Variants in ADORA2B observed in about 807,000 individuals in gnomAD.
The protein encoded by ADORA2B is adenosine A2b receptor.
In ADORA2B, 18 loss-of-function variants were observed where a neutral mutation model predicts 20.8. The ratio of observed to expected loss-of-function variants is 0.87; its 90% CI spans 0.60 to 1.29. The LOEUF (loss-of-function observed/expected upper bound fraction) is 1.29. Among genes scored for constraint, ADORA2B ranks in the 50% most tolerant of loss-of-function variants. The probability of loss-of-function intolerance (pLI) is 0.00; values close to 1 mark genes in which losing one functional copy is unlikely to be tolerated. For synonymous variants in ADORA2B, 179 were observed against 178.3 expected, an observed-to-expected ratio of 1.00 and a Z score of -0.03; for missense variants, 441 against 422.7, an observed-to-expected ratio of 1.04 and a Z score of -0.38.
chr17:15,939,859 CA>C, the ADORA2B span, among the ~76,000 whole-genome samples: 1,220 of 53,398 alleles, frequency 0.023, 9 homozygotes, highest in African/African-American at 0.072. Context: ...GACTCTGTCT[CA>C]AAAAAAAAAA....
chr17:15,915,666 G>A, the ADORA2B span, among the ~76,000 whole-genome samples: 1 of 152,226 alleles, frequency 6.6e-6, no homozygotes, highest in Admixed American at 6.5e-5. Context: ...TGACTATGGA[G>A]GCTGAGAAGT....
chr17:15,920,011 C>T, the ADORA2B span, among the ~76,000 whole-genome samples: 1 of 152,070 alleles, frequency 6.6e-6, no homozygotes, highest in Non-Finnish European at 1.5e-5. Flanking sequence ...ACCAAAGTAC[C>T]CCAGTGGCCC....
chr17:15,924,936 G>A, the ADORA2B span, among the ~76,000 whole-genome samples: 6 of 150,808 alleles, frequency 4.0e-5, no homozygotes, highest in Non-Finnish European at 7.4e-5. Context: ...GTGCAGTAGC[G>A]TGATCATAGT....
At chr17:15,872,043 G>C in the ADORA2B span, among the ~76,000 whole-genome samples, 1 of 152,134 alleles carries the variant, frequency 6.6e-6, no homozygotes, top group South Asian at 2.1e-4. Flanking sequence ...TCTTGTTCGA[G>C]TCCATTTATA....
the ADORA2B span, among the ~76,000 whole-genome samples, chr17:15,886,243 G>GTATTTATTTATTTATTTA: frequency 2.3e-5 from 3 of 132,864 alleles, no homozygotes; most frequent in Non-Finnish European, 3.2e-5. Flanking sequence ...GAATCTTGTA[G>GTATTTATTTATTTATTTA]TGGCTCGCCC....
At chr17:15,941,425 A>G (rs2151588144), upstream of ADORA2B, among the ~76,000 whole-genome samples, 1 of 152,234 alleles carries the variant, frequency 6.6e-6, no homozygotes, top group East Asian at 1.9e-4. Context: ...CCTGCACACC[A>G]ATTGCTTTCA....
chr17:15,921,883 A>C, the ADORA2B span, among the ~76,000 whole-genome samples: 1 of 152,336 alleles, frequency 6.6e-6, no homozygotes, highest in African/African-American at 2.4e-5. Flanking sequence ...CCCAGGAGAC[A>C]GAATAAAGTT....
At chr17:15,929,999 T>G in the ADORA2B span, among the ~76,000 whole-genome samples, 2 of 152,184 alleles carry the variant, frequency 1.3e-5, no homozygotes, top group African/African-American at 4.8e-5. Flanking sequence ...CCAAAATGTT[T>G]AAGAGGATGT....
upstream of ADORA2B, among the ~76,000 whole-genome samples, chr17:15,942,193 G>A (rs1969751255): frequency 6.6e-6 from 1 of 152,132 alleles, no homozygotes; most frequent in African/African-American, 2.4e-5. Context: ...GTGGGGCCTA[G>A]TGGAAGCAGT....
chr17:15,891,360 G>A, the ADORA2B span, among the ~76,000 whole-genome samples: 96 of 152,356 alleles, frequency 6.3e-4, 1 homozygote, highest in African/African-American at 2.2e-3. Context: ...AGCAGGGAAG[G>A]AGCACAGGCT....
At chr17:15,866,694 TCTGCCTCTGCCGCTGCCG>T in the ADORA2B span, among the ~76,000 whole-genome samples, 65 of 143,896 alleles carry the variant, frequency 4.5e-4, no homozygotes, top group Non-Finnish European at 7.1e-4. Flanking sequence ...TCCCTCTGCC[TCTGCCTCTGCCGCTGCCG>T]CTGCCTCTGC....
chr17:15,966,185 G>A (rs753603457), intron 1 of ADORA2B, among the ~76,000 whole-genome samples: 8 of 152,192 alleles, frequency 5.3e-5, no homozygotes, highest in African/African-American at 1.2e-4. Flanking sequence ...GACTATAAAC[G>A]GAAGAAACAT....
chr17:15,949,744 G>A (rs1018254598), intron 1 of ADORA2B, among the ~76,000 whole-genome samples: 11 of 152,078 alleles, frequency 7.2e-5, no homozygotes, highest in Admixed American at 2.0e-4. Context: ...GGTGGCACGC[G>A]CCTGTAATCC....
the ADORA2B span, among the ~76,000 whole-genome samples, chr17:15,905,158 C>T: frequency 6.6e-6 from 1 of 152,078 alleles, no homozygotes; most frequent in African/African-American, 2.4e-5. Context: ...TCTTCCAGTC[C>T]AGGAACACAG....
the ADORA2B span, among the ~76,000 whole-genome samples, chr17:15,931,036 G>A: frequency 6.6e-6 from 1 of 152,140 alleles, no homozygotes; most frequent in Non-Finnish European, 1.5e-5. Flanking sequence ...TGCAGTGCTG[G>A]CCAGGCACTG....
intron 1 of ADORA2B, among the ~76,000 whole-genome samples, chr17:15,969,467 A>AAAT (rs948943141): frequency 2.0e-5 from 3 of 151,948 alleles, no homozygotes; most frequent in African/African-American, 7.3e-5. Context: ...TAAATAAATA[A>AAAT]AATAATAATA....
chr17:15,970,367 C>T (rs1970176536), intron 1 of ADORA2B, among the ~76,000 whole-genome samples: 1 of 152,128 alleles, frequency 6.6e-6, no homozygotes, highest in Non-Finnish European at 1.5e-5. Context: ...GCACATGTGT[C>T]GGATCCAGCA....
At chr17:15,957,467 C>T (rs755830384) in intron 1 of ADORA2B, among the ~76,000 whole-genome samples, 7 of 152,078 alleles carry the variant, frequency 4.6e-5, no homozygotes, top group South Asian at 2.1e-4. Context: ...ACAGGGCACA[C>T]GGGACAGGTT....
chr17:15,963,297 C>G (rs1970062566), intron 1 of ADORA2B, among the ~76,000 whole-genome samples: 1 of 152,170 alleles, frequency 6.6e-6, no homozygotes, highest in Non-Finnish European at 1.5e-5. Context: ...AAGATACTTA[C>G]AGTCCCCAAA....
Sources: allele counts gnomAD v4.1 joint callset (sites outside exome capture counted in the v4.1 genomes callset), GRCh38; gene constraint gnomAD v4.1.1; transcripts MANE v1.5; gene names NCBI Gene and HGNC (gene_info 2026-07-23, HGNC 2026-07-21).